The following TRIM62 variants were observed in gnomAD, a reference collection of about 807,000 sequenced individuals.
The protein encoded by TRIM62 is tripartite motif containing 62, also known as E3 ubiquitin-protein ligase TRIM62.
Under a neutral mutation model 44.2 loss-of-function variants are expected in TRIM62, and 39 were observed. The ratio of observed to expected loss-of-function variants is 0.88; its 90% CI spans 0.68 to 1.15. The LOEUF is 1.15. TRIM62 is among the 50% of genes most tolerant of loss of function. The pLI is 0.00. For missense variants in TRIM62, 544 were observed against 665.5 expected (o/e 0.82, Z 2.01); for synonymous variants, 278 against 292.3 (o/e 0.95, Z 0.50).
At position 33,155,196 on chromosome 1, in the gene TRIM62, C is replaced by T. The variant is rs527379232; in HGVS notation, c.877+3057G>A. Among the ~76,000 whole-genome samples, 6 of 151,454 alleles carry T rather than the reference C, an allele frequency of 4.0e-5. No individual in the cohort carries two copies. The East Asian group carries it at 1.0e-3, about 25-fold the overall frequency. On this transcript the variant is annotated intron_variant, in intron 4 of 4. Coordinates refer to ENST00000291416, the MANE Select transcript of TRIM62 (RefSeq NM_018207.3). Reference sequence around the variant, plus strand: ...AAGCCATTCTCCCACCTCAGCCTCCCGAGTAATTGGGATTACAGGCGTGTA... The same window carrying T: ...AAGCCATTCTCCCACCTCAGCCTCCTGAGTAATTGGGATTACAGGCGTGTA...
intron 4 of TRIM62, among the ~76,000 whole-genome samples, chr1:33,152,874 GAAGGCAGGAGC>G (rs2124717628): frequency 6.6e-6 from 1 of 152,312 alleles, no homozygotes; most frequent in African/African-American, 2.4e-5. Context: ...AGGATGGGGA[GAAGGCAGGAGC>G]AAGGCAGGCT....
intron 4 of TRIM62, among the ~76,000 whole-genome samples, chr1:33,150,312 C>T (rs938736978): frequency 4.6e-5 from 7 of 152,230 alleles, no homozygotes; most frequent in South Asian, 2.1e-4. Flanking sequence ...TCAGTTGCCT[C>T]TGTTGGCTGC....
At chr1:33,158,548 T>C (rs1645213711) in intron 3 of TRIM62, among the ~76,000 whole-genome samples, 180 bp from the exon 4 acceptor site, 1 of 152,236 alleles carries the variant, frequency 6.6e-6, no homozygotes. Context: ...ATTCCCTCAG[T>C]CTTCTCATCT....
chr1:33,165,333 T>TAGAA lies in TRIM62; in HGVS notation c.504+137_504+138insTTCT, dbSNP rs201643997. ...TACCCTCTTCCCCACCCTGCCCTTC[T>TAGAA]CACTCCAGGTTTGGCTCCTTGAAGC... On this transcript the variant is annotated intron_variant, in intron 2 of 4. Coordinates refer to ENST00000291416, the MANE Select transcript of TRIM62 (RefSeq NM_018207.3). This position sits in a 1 kb window ranked among gnomAD's most constrained non-coding sequence, Gnocchi z 4.0. 4,321 of 708,964 alleles carry TAGAA rather than the reference T, an allele frequency of 6.1e-3. 169 individuals carry two copies. The East Asian group carries it at 0.096, about 16-fold the overall frequency. The allele number at this position is 708,964 out of a possible 1,614,324, so 43.9% of individuals were successfully genotyped here.
Position 33,158,323 on chromosome 1 carries a change from G to A in TRIM62, c.807C>T (p.Phe269=). The A allele has an allele frequency of 1.9e-6, 3 of 1,614,018 alleles. No homozygotes were observed. Among genetic ancestry groups the A allele is most frequent in the Non-Finnish European group, 2.5e-6 (3 of 1,179,914 alleles). ...IHETNLTYED[F]PTSKYTGPLQ... is the part of the protein sequence containing the mutation. ...GGGGGCCTGTGTACTTGGAGGTCGGGAAGTCTTCATATGTGAGGTTGGTCT... is the reference window on the plus strand; with the variant it reads ...GGGGGCCTGTGTACTTGGAGGTCGGAAAGTCTTCATATGTGAGGTTGGTCT... The change falls in exon 4 of 5, where the codon TTC becomes TTT. Residue 269 remains phenylalanine, a synonymous_variant. Transcript: ENST00000291416.
At chr1:33,149,604 A>G (rs1645069069) in intron 4 of TRIM62, among the ~76,000 whole-genome samples, 1 of 151,290 alleles carries the variant, frequency 6.6e-6, no homozygotes, top group Non-Finnish European at 1.5e-5. Context: ...ATAGGCATGC[A>G]TCACTATGCG....
At position 33,180,375 on chromosome 1, in the gene TRIM62, C is replaced by T. The variant is rs78481034; in HGVS notation, c.408+650G>A. Among the ~76,000 whole-genome samples the T allele has an allele frequency of 4.3e-4, 65 of 152,228 alleles. No individual in the cohort carries two copies. The Middle Eastern group carries it at 0.014, about 32-fold the overall frequency. ...TAAACTTGTTGTAGAGTATCCGGACCTGATCTCAGTCTTAACCCCTCATAC... is the reference window on the plus strand; with the variant it reads ...TAAACTTGTTGTAGAGTATCCGGACTTGATCTCAGTCTTAACCCCTCATAC... On this transcript the variant is annotated intron_variant, in intron 1 of 4. Coordinates refer to ENST00000291416, the MANE Select transcript of TRIM62 (RefSeq NM_018207.3).
chr1:33,147,798 T>G lies in TRIM62; in HGVS notation c.878-71A>C, dbSNP rs1645041593. 3 of 1,530,036 alleles carry G rather than the reference T, an allele frequency of 2.0e-6. No homozygotes were observed. Among genetic ancestry groups the G allele is most frequent in the Non-Finnish European group, 2.7e-6 (3 of 1,130,172 alleles). 94.8% of individuals were successfully genotyped at this position (1,530,036 alleles called of 1,614,324 possible). A position where few individuals can be genotyped will look rare whatever the true frequency, so the allele number is the denominator to read the frequency against. On this transcript the variant is annotated intron_variant, in intron 4 of 4. Transcript: ENST00000291416. This position sits in a 1 kb window ranked among gnomAD's most constrained non-coding sequence, Gnocchi z 8.1. ...GTGGACCCACCATGCAGTGCCTTCCTGAGGGCAGAGTTCTGGTTGGTACGC... is the reference window on the plus strand; with the variant it reads ...GTGGACCCACCATGCAGTGCCTTCCGGAGGGCAGAGTTCTGGTTGGTACGC...
chr1:33,177,051 GCA>G lies in TRIM62; in HGVS notation c.408+3972_408+3973del, dbSNP rs34764898. On this transcript the variant is annotated intron_variant, in intron 1 of 4. Coordinates refer to ENST00000291416, the MANE Select transcript of TRIM62 (RefSeq NM_018207.3). This position sits in a 1 kb window ranked among gnomAD's most constrained non-coding sequence, Gnocchi z 4.1. ...CACACATACACATGCACACACACAC[GCA>G]CACACACACACATGCACACACACAC... is the stretch of plus-strand genomic sequence containing the variant. Among the ~76,000 whole-genome samples, 44 of 12,862 alleles carry G rather than the reference GCA, an allele frequency of 3.4e-3. No individual in the cohort carries two copies. The highest frequency in any genetic ancestry group is 0.014 in the African/African-American group (33 of 2,292). 8.4% of individuals were successfully genotyped at this position (12,862 alleles called of 152,430 possible).
rs767615191 is a variant in TRIM62 at position 33,181,463 on chromosome 1, A to G, written c.-31T>C. 2 of 1,552,974 alleles carry G rather than the reference A, an allele frequency of 1.3e-6. No individual in the cohort carries two copies. The highest frequency in any genetic ancestry group is 1.7e-6 in the Non-Finnish European group (2 of 1,159,002). On this transcript the variant is annotated 5_prime_UTR_variant, in exon 1 of 5. Transcript: ENST00000291416. The surrounding 1 kb of genome is among the most constrained non-coding windows in gnomAD (Gnocchi z 6.5). ...CAGGGGCAGCAGAGAGGGGGGCCCG[A>G]GGGGCAGGGGGGCGGCTGAGAGAGC...
At chr1:33,151,242 G>A (rs1645093179) in intron 4 of TRIM62, among the ~76,000 whole-genome samples, 1 of 152,140 alleles carries the variant, frequency 6.6e-6, no homozygotes, top group Non-Finnish European at 1.5e-5. Flanking sequence ...TGTGCTGCTT[G>A]AAGCCCAGGG....
chr1:33,168,370 T>C (rs1645346906), intron 1 of TRIM62, among the ~76,000 whole-genome samples: 1 of 145,996 alleles, frequency 6.8e-6, no homozygotes, highest in Non-Finnish European at 1.5e-5. Context: ...GCTAGGAAGC[T>C]GGCTGTCTGA....
At position 33,146,989 on chromosome 1, in the gene TRIM62, G is replaced by A. The variant is rs868084649; in HGVS notation, c.*188C>T. 1.4e-4 allele frequency: 88 copies of A among 627,052 alleles called. 1 individual carries two copies. The South Asian group carries it at 1.6e-3, about 12-fold the overall frequency. The allele number at this position is 627,052 out of a possible 1,614,324, so 38.8% of individuals were successfully genotyped here. A position where few individuals can be genotyped will look rare whatever the true frequency, so the allele number is the denominator to read the frequency against. ...ATCAAGGTCAGAGCTACAGAACATC[G>A]ATGCTGGAAGAGAGTTTAGGAAGTA... On this transcript the variant is annotated 3_prime_UTR_variant, in exon 5 of 5. Transcript: ENST00000291416.
At chr1:33,168,784 G>T (rs1044237126) in intron 1 of TRIM62, among the ~76,000 whole-genome samples, 4 of 151,716 alleles carry the variant, frequency 2.6e-5, no homozygotes, top group Non-Finnish European at 4.4e-5. Flanking sequence ...GGGACACAGT[G>T]TGGCTGAGAG....
At chr1:33,176,820 A>G (rs1262347112) in intron 1 of TRIM62, among the ~76,000 whole-genome samples, 1 of 152,246 alleles carries the variant, frequency 6.6e-6, no homozygotes, top group Non-Finnish European at 1.5e-5. Flanking sequence ...CAGTAGAAGA[A>G]ATAGATAACA....
Position 33,147,143 on chromosome 1 carries a change from G to A in TRIM62, c.*34C>T, listed in dbSNP as rs767376070. On this transcript the variant is annotated 3_prime_UTR_variant, in exon 5 of 5. Transcript: ENST00000291416. This position sits in a 1 kb window ranked among gnomAD's most constrained non-coding sequence, Gnocchi z 8.1. Reference sequence around the variant, plus strand: ...GGGCAGGGCTCTTGCAGGTGGCAGTGGTCCCAGGAGGTTGTGGTCTCCTTC... The same window carrying A: ...GGGCAGGGCTCTTGCAGGTGGCAGTAGTCCCAGGAGGTTGTGGTCTCCTTC... 1.9e-6 allele frequency: 3 copies of A among 1,598,350 alleles called. No homozygotes were observed. The East Asian group carries it at 6.7e-5, about 36-fold the overall frequency.
chr1:33,146,774 TAA>T lies in TRIM62; in HGVS notation c.*401_*402del. ...GGGGTAAGTCTTAGGCCATGGGACA[TAA>T]GAGGGTGCTGTGTGTCTTTCGGGCT... On this transcript the variant is annotated 3_prime_UTR_variant, in exon 5 of 5. Transcript: ENST00000291416. The T allele has an allele frequency of 3.9e-6, 1 of 258,466 alleles. No individual in the cohort carries two copies. The highest frequency in any genetic ancestry group is 5.1e-5 in the South Asian group (1 of 19,800). The allele number at this position is 258,466 out of a possible 1,614,324, so 16.0% of individuals were successfully genotyped here. A position where few individuals can be genotyped will look rare whatever the true frequency, so the allele number is the denominator to read the frequency against.
chr1:33,181,330 T>A lies in TRIM62; in HGVS notation c.103A>T (p.Ile35Phe), dbSNP rs765023766. The A allele has an allele frequency of 6.3e-7, 1 of 1,577,452 alleles. No homozygotes were observed. The highest frequency in any genetic ancestry group is 1.1e-5 in the South Asian group (1 of 87,072). Residue 35 changes from isoleucine to phenylalanine, a missense_variant, in exon 1 of 5, where the codon ATC becomes TTC. Ile to Phe is a conservative substitution (Grantham distance 21, BLOSUM62 0). Coordinates refer to ENST00000291416, the MANE Select transcript of TRIM62 (RefSeq NM_018207.3). This position sits in a 1 kb window ranked among gnomAD's most constrained non-coding sequence, Gnocchi z 6.5. The part of the protein sequence containing the change: ...GCEHYFCRRC[I>F]TEHWVRQEAQ... ...TCCTGCCGCACCCAGTGCTCCGTGATGCAGCGGCGGCAGAAGTAATGCTCG... is the reference window on the plus strand; with the variant it reads ...TCCTGCCGCACCCAGTGCTCCGTGAAGCAGCGGCGGCAGAAGTAATGCTCG...
Position 33,181,488 on chromosome 1 carries a change from C to G in TRIM62, c.-56G>C. The stretch of plus-strand genomic sequence containing the variant: ...AGGGGCAGGGGGGCGGCTGAGAGAG[C>G]GCGGCGCTGTCGGAGGCAGCACCGA... On this transcript the variant is annotated 5_prime_UTR_variant, in exon 1 of 5. Transcript: ENST00000291416. The surrounding 1 kb of genome is among the most constrained non-coding windows in gnomAD (Gnocchi z 6.5). The G allele has an allele frequency of 1.3e-6, 2 of 1,517,080 alleles. No homozygotes were observed. The highest frequency in any genetic ancestry group is 2.2e-5 in the Admixed American group (1 of 46,344). 94.0% of individuals were successfully genotyped at this position (1,517,080 alleles called of 1,614,324 possible).
Sources: allele counts gnomAD v4.1 joint callset (sites outside exome capture counted in the v4.1 genomes callset), GRCh38; gene constraint gnomAD v4.1.1; non-coding constraint Gnocchi (gnomAD v3.1); transcripts MANE v1.5; gene names NCBI Gene and HGNC (gene_info 2026-07-23, HGNC 2026-07-21).